Variants in TTC29 observed in about 807,000 individuals in gnomAD.
The protein encoded by TTC29 is tetratricopeptide repeat domain 29, also known as tetratricopeptide repeat protein 29.
In TTC29, 49 loss-of-function variants were observed where a neutral mutation model predicts 58.1. The ratio of observed to expected loss-of-function variants is 0.84; its 90% CI spans 0.67 to 1.07. The LOEUF is 1.07. Among genes scored for constraint, TTC29 ranks in the 50% least tolerant of loss-of-function variants. TTC29 has a pLI of 0.00. For synonymous variants in TTC29, 209 were observed against 196.8 expected, an observed-to-expected ratio of 1.06 and a Z score of -0.52; for missense variants, 582 against 555.6, an observed-to-expected ratio of 1.05 and a Z score of -0.48.
chr4:146,942,102 T>C (rs1392689924), intron 2 of TTC29, among the ~76,000 whole-genome samples: 3 of 152,200 alleles, frequency 2.0e-5, no homozygotes, highest in Non-Finnish European at 4.4e-5. Context: ...AAAATAATTT[T>C]TTACATAATT....
intron 4 of TTC29, among the ~76,000 whole-genome samples, chr4:146,916,092 T>A (rs190384667): frequency 3.8e-4 from 57 of 151,992 alleles, no homozygotes; most frequent in African/African-American, 1.2e-3. Flanking sequence ...AATTAATACT[T>A]AAATAGCTTC....
intron 6 of TTC29, among the ~76,000 whole-genome samples, chr4:146,895,805 C>A (rs367876845): frequency 4.9e-4 from 74 of 152,258 alleles, no homozygotes; most frequent in Middle Eastern, 3.4e-3. Context: ...TAAACCCCAT[C>A]ATTTTCCCTT....
intron 2 of TTC29, among the ~76,000 whole-genome samples, 154 bp downstream of exon 2, chr4:146,944,877 T>G (rs558546334): frequency 6.6e-6 from 1 of 152,260 alleles, no homozygotes; most frequent in South Asian, 2.1e-4. Flanking sequence ...GGTATCATAA[T>G]TTTTGGACAC....
chr4:146,750,378 A>G (rs1280497539), intron 11 of TTC29, among the ~76,000 whole-genome samples: 3 of 152,234 alleles, frequency 2.0e-5, no homozygotes, highest in African/African-American at 7.2e-5. Context: ...ACTATCATTA[A>G]TACATTTAAA....
chr4:146,936,280 T>A (rs1735811449), intron 4 of TTC29, among the ~76,000 whole-genome samples: 1 of 152,220 alleles, frequency 6.6e-6, no homozygotes, highest in South Asian at 2.1e-4. Flanking sequence ...CAGCCTGCAC[T>A]GAAAACTTAA....
At chr4:146,818,282 C>G (rs569341944) in intron 10 of TTC29, among the ~76,000 whole-genome samples, 129 of 152,280 alleles carry the variant, frequency 8.5e-4, no homozygotes, top group African/African-American at 3.1e-3. Flanking sequence ...AGGATATGAA[C>G]AGACACTTCT....
chr4:146,840,705 A>C (rs73852717), intron 8 of TTC29, among the ~76,000 whole-genome samples: 8,644 of 152,184 alleles, frequency 0.057, 849 homozygotes, highest in African/African-American at 0.2. Flanking sequence ...TAAATAAATA[A>C]ATGAATTTCA....
intron 6 of TTC29, among the ~76,000 whole-genome samples, 200 bp downstream of exon 6, chr4:146,903,344 A>G (rs1249801693): frequency 6.6e-6 from 1 of 152,132 alleles, no homozygotes; most frequent in African/African-American, 2.4e-5. Context: ...AGCATGAGCA[A>G]GGGATTCTGC....
At chr4:146,859,498 C>A (rs1730087036) in intron 8 of TTC29, among the ~76,000 whole-genome samples, 1 of 152,112 alleles carries the variant, frequency 6.6e-6, no homozygotes, top group African/African-American at 2.4e-5. Context: ...CTTTCCCAGA[C>A]TATGAATTCT....
chr4:146,820,676 A>G (rs571407370), intron 9 of TTC29, among the ~76,000 whole-genome samples: 1 of 152,338 alleles, frequency 6.6e-6, no homozygotes, highest in South Asian at 2.1e-4. Flanking sequence ...ATGTATATCA[A>G]CTGATGAATG....
intron 6 of TTC29, among the ~76,000 whole-genome samples, chr4:146,889,166 C>A (rs1484319949): frequency 6.6e-6 from 1 of 151,976 alleles, no homozygotes; most frequent in Non-Finnish European, 1.5e-5. Context: ...TCCCTTACTG[C>A]CTAAAGACCA....
At chr4:146,708,318 A>C in intron 11 of TTC29, among the ~76,000 whole-genome samples, 1 of 26,738 alleles carries the variant, frequency 3.7e-5, no homozygotes, top group Admixed American at 4.2e-4. Context: ...TTATATATAT[A>C]TATATATATA....
intron 10 of TTC29, among the ~76,000 whole-genome samples, chr4:146,810,092 G>T (rs1308929609): frequency 6.6e-6 from 1 of 152,168 alleles, no homozygotes; most frequent in Non-Finnish European, 1.5e-5. Context: ...TATAAAAAAG[G>T]ATGAGTTCAT....
intron 11 of TTC29, among the ~76,000 whole-genome samples, chr4:146,781,779 A>G (rs1431476728): frequency 6.6e-6 from 1 of 151,964 alleles, no homozygotes; most frequent in Non-Finnish European, 1.5e-5. Flanking sequence ...AAGTGTTTTC[A>G]CTTTGGTATC....
chr4:146,899,281 T>C (rs1317516568), intron 6 of TTC29, among the ~76,000 whole-genome samples: 1 of 152,200 alleles, frequency 6.6e-6, no homozygotes, highest in African/African-American at 2.4e-5. Context: ...CAGTCATGTC[T>C]GGCCCCGATA....
chr4:146,825,830 T>C (rs1274436764), intron 9 of TTC29, among the ~76,000 whole-genome samples: 1 of 152,234 alleles, frequency 6.6e-6, no homozygotes, highest in Non-Finnish European at 1.5e-5. Flanking sequence ...TCCTTCTTGT[T>C]GAATTGTTCC....
chr4:146,881,578 T>C lies in TTC29; in HGVS notation c.587-6650A>G, dbSNP rs1731627256. Among the ~76,000 whole-genome samples, 3 of 152,258 alleles carry C rather than the reference T, an allele frequency of 2.0e-5. No individual in the cohort carries two copies. In the South Asian group the frequency reaches 6.2e-4, roughly 32 times the overall value. On this transcript the variant is annotated intron_variant, in intron 6 of 12. Coordinates refer to ENST00000325106, the MANE Select transcript of TTC29 (RefSeq NM_031956.4). ...CAGTAGCAAAAAGGGAAAAATGTTA[T>C]TGCCCCTTTGCAAAAACAAAAGACA...
chr4:146,775,624 G>A (rs987608565), intron 11 of TTC29, among the ~76,000 whole-genome samples: 18 of 151,014 alleles, frequency 1.2e-4, no homozygotes, highest in African/African-American at 4.4e-4. Flanking sequence ...AAGGTCTGCT[G>A]TTAGCCCAAT....
At chr4:146,932,181 T>A (rs999912328) in intron 4 of TTC29, among the ~76,000 whole-genome samples, 16 of 152,312 alleles carry the variant, frequency 1.1e-4, no homozygotes, top group South Asian at 2.1e-4. Context: ...CGCTTATTTT[T>A]AAAAAAATTC....
Sources: gnomAD v4.1 joint callset for allele counts (sites outside exome capture counted in the v4.1 genomes callset) on GRCh38, gnomAD v4.1.1 for gene constraint, MANE v1.5 for transcripts, NCBI Gene and HGNC (gene_info 2026-07-23, HGNC 2026-07-21) for gene names.